The following KAZN variants were observed in gnomAD, a reference collection of about 807,000 sequenced individuals.
The protein encoded by KAZN is kazrin.
A neutral mutation model predicts 87.4 loss-of-function variants in KAZN; 40 were observed. The observed-to-expected ratio is 0.46, with a 90% CI of 0.36 to 0.60. The LOEUF (loss-of-function observed/expected upper bound fraction) is 0.60. Ranked by LOEUF, KAZN falls within the 20% of genes least tolerant of loss-of-function variation. KAZN has a pLI of 0.00. For synonymous variants in KAZN, 466 were observed against 458.3 expected (o/e 1.02, Z -0.22); for missense variants, 898 against 1,073.9 (o/e 0.84, Z 2.29).
chr1:14,967,079 A>G (rs10803329), intron 2 of KAZN, among the ~76,000 whole-genome samples: 80,077 of 152,062 alleles, frequency 0.53, 22,716 homozygotes, highest in African/African-American at 0.74. Flanking sequence ...CAGGCAGATG[A>G]TGGGCGATGG....
intron 1 of KAZN, among the ~76,000 whole-genome samples, chr1:14,734,760 A>T (rs1294627407): frequency 6.6e-6 from 1 of 152,214 alleles, no homozygotes; most frequent in Non-Finnish European, 1.5e-5. Flanking sequence ...TGCCTGGTTC[A>T]TGCAAGCCCA....
chr1:14,783,011 C>T (rs192470445), intron 1 of KAZN, among the ~76,000 whole-genome samples: 21 of 152,188 alleles, frequency 1.4e-4, no homozygotes, highest in Non-Finnish European at 2.6e-4. Context: ...TGAAGAGTAG[C>T]TTCTCGAGAG....
At chr1:13,965,678 A>G (rs1209419673) in intron 1 of KAZN, among the ~76,000 whole-genome samples, 1 of 152,152 alleles carries the variant, frequency 6.6e-6, no homozygotes, top group Non-Finnish European at 1.5e-5. Flanking sequence ...GCACAGGTGA[A>G]TGGAATGAAT....
chr1:15,108,843 C>G (rs1214754321), intron 13 of KAZN, among the ~76,000 whole-genome samples: 1 of 152,154 alleles, frequency 6.6e-6, no homozygotes, highest in Non-Finnish European at 1.5e-5. Context: ...GTACCATTTC[C>G]TCGAGGTCTA....
chr1:14,536,827 A>C (rs975277304), intron 2 of KAZN, among the ~76,000 whole-genome samples: 1 of 152,018 alleles, frequency 6.6e-6, no homozygotes, highest in Non-Finnish European at 1.5e-5. Flanking sequence ...TGTTGCAGTG[A>C]GCCGAGATCA....
chr1:14,136,710 C>A (rs1258637856), intron 1 of KAZN, among the ~76,000 whole-genome samples: 1 of 152,172 alleles, frequency 6.6e-6, no homozygotes, highest in Admixed American at 6.5e-5. Flanking sequence ...CAGCTGCTTG[C>A]TGCCTCCTGG....
rs71000360 is a variant in KAZN, at chr1:15,041,331, CTTT to C, written c.556-2645_556-2643del. On this transcript the variant is annotated intron_variant, in intron 3 of 14. Coordinates refer to ENST00000376030, the MANE Select transcript of KAZN (RefSeq NM_201628.3). ...GTATTCTACTCTCCGCATTTTTTTT[CTTT>C]TTTTTTTTTTTTGTTTTTTTGAGAT... is the stretch of plus-strand genomic sequence containing the variant. 3.2e-4 allele frequency among the ~76,000 whole-genome samples: 37 copies of C among 114,170 alleles called. No individual in the cohort carries two copies. In the South Asian group the frequency reaches 7.3e-3, roughly 22 times the overall value. 74.9% of individuals were successfully genotyped at this position (114,170 alleles called of 152,430 possible).
chr1:14,244,260 CCTT>C (rs1649284964), intron 2 of KAZN, among the ~76,000 whole-genome samples: 2 of 152,184 alleles, frequency 1.3e-5, no homozygotes, highest in Non-Finnish European at 2.9e-5. Context: ...CAAGGCTGCT[CCTT>C]CTCATTGAGA....
At chr1:14,511,971 C>T (rs1670929937) in intron 2 of KAZN, among the ~76,000 whole-genome samples, 1 of 152,044 alleles carries the variant, frequency 6.6e-6, no homozygotes, top group Non-Finnish European at 1.5e-5. Context: ...TGGAGGAGGC[C>T]ATGGAAGAAT....
At chr1:14,198,119 A>G (rs1166669286) in intron 2 of KAZN, among the ~76,000 whole-genome samples, 2 of 152,206 alleles carry the variant, frequency 1.3e-5, no homozygotes, top group East Asian at 3.9e-4. Context: ...AAAGACAAAA[A>G]TTGAAAAGCT....
At chr1:14,782,022 T>C (rs150812268) in intron 1 of KAZN, among the ~76,000 whole-genome samples, 21 of 152,330 alleles carry the variant, frequency 1.4e-4, no homozygotes, top group Non-Finnish European at 2.5e-4. Context: ...ATCTGTAAAG[T>C]GGGCATAAGA....
At chr1:14,518,178 CTTTTTT>C (rs141321203) in intron 2 of KAZN, among the ~76,000 whole-genome samples, 7 of 91,310 alleles carry the variant, frequency 7.7e-5, no homozygotes, top group African/African-American at 3.1e-4. Flanking sequence ...TTTTTGAAGG[CTTTTTT>C]TTTTTTTTTT....
intron 2 of KAZN, among the ~76,000 whole-genome samples, chr1:14,316,042 G>A (rs959427569): frequency 9.2e-5 from 14 of 152,096 alleles, no homozygotes; most frequent in East Asian, 7.7e-4. Context: ...CCGTAGCTCC[G>A]CATCTGCACC....
Position 15,099,832 on chromosome 1 carries a change from C to T in KAZN, c.1548-1711C>T, listed in dbSNP as rs1287818547. On this transcript the variant is annotated intron_variant, in intron 10 of 14. Transcript: ENST00000376030. The surrounding 1 kb of genome is among the most constrained non-coding windows in gnomAD (Gnocchi z 5.4). ...GCAGCCGGGGAAAGTGGCAGAAACC[C>T]ACACCAGAGACGCCTGCAGCTTAGA... Among the ~76,000 whole-genome samples the T allele has an allele frequency of 3.3e-5, 5 of 152,142 alleles. No homozygotes were observed. Among genetic ancestry groups the T allele is most frequent in the African/African-American group, 9.7e-5 (4 of 41,426 alleles).
chr1:14,149,099 C>T (rs2359951), intron 1 of KAZN, among the ~76,000 whole-genome samples: 23,795 of 83,170 alleles, frequency 0.29, 4,163 homozygotes, highest in Non-Finnish European at 0.33. Flanking sequence ...TCCTTTCTTT[C>T]TTTCCTTTTT....
chr1:14,313,088 A>G (rs1655414118), intron 2 of KAZN, among the ~76,000 whole-genome samples: 1 of 152,168 alleles, frequency 6.6e-6, no homozygotes, highest in Non-Finnish European at 1.5e-5. Flanking sequence ...GACAAATCAA[A>G]ATTATACAAA....
intron 2 of KAZN, among the ~76,000 whole-genome samples, chr1:14,296,794 C>G (rs1386429587): frequency 2.6e-5 from 4 of 151,992 alleles, no homozygotes; most frequent in African/African-American, 9.7e-5. Context: ...CGCCATCATG[C>G]CTAGCTACTT....
intron 2 of KAZN, among the ~76,000 whole-genome samples, chr1:14,976,145 C>T (rs1452117995): frequency 6.7e-6 from 1 of 149,200 alleles, no homozygotes; most frequent in East Asian, 1.9e-4. Context: ...TGGTTTTGGA[C>T]GTGGCTAACA....
intron 2 of KAZN, among the ~76,000 whole-genome samples, chr1:14,586,925 A>C (rs1454818600): frequency 6.6e-6 from 1 of 152,164 alleles, no homozygotes; most frequent in African/African-American, 2.4e-5. Context: ...AAATTGGGTG[A>C]TGTTTTTTCC....
Sources: gnomAD v4.1 joint callset for allele counts (sites outside exome capture counted in the v4.1 genomes callset) on GRCh38, gnomAD v4.1.1 for gene constraint, Gnocchi (gnomAD v3.1) non-coding constraint, MANE v1.5 for transcripts, NCBI Gene and HGNC (gene_info 2026-07-23, HGNC 2026-07-21) for gene names.